The following WDR48 variants were observed in gnomAD, a reference collection of about 807,000 sequenced individuals.
The protein encoded by WDR48 is WD repeat-containing protein 48.
Under a neutral mutation model 94.0 loss-of-function variants are expected in WDR48, and 22 were observed. The ratio of observed to expected loss-of-function variants is 0.23; its 90% CI spans 0.17 to 0.33. The LOEUF (loss-of-function observed/expected upper bound fraction) is 0.33. Among genes scored for constraint, WDR48 ranks in the 10% least tolerant of loss-of-function variants. WDR48 has a pLI of 1.00. For synonymous variants in WDR48, 278 were observed against 280.5 expected, an observed-to-expected ratio of 0.99 and a Z score of 0.09; for missense variants, 541 against 813.8, an observed-to-expected ratio of 0.66 and a Z score of 4.08.
intron 1 of WDR48, chr3:39,052,319 C>T (rs927697297): frequency 4.0e-6 from 2 of 506,308 alleles, no homozygotes; most frequent in Admixed American, 7.5e-5. Flanking sequence ...CCCGGGATTG[C>T]TTGTCGCCGC....
intron 16 of WDR48, 186 bp from the exon 17 acceptor site, chr3:39,091,439 T>C: frequency 4.2e-6 from 2 of 478,554 alleles, no homozygotes. Context: ...TAATGTTACA[T>C]ATATTTTTCT....
chr3:39,082,908 A>C (rs2125674256), intron 11 of WDR48, among the ~76,000 whole-genome samples: 1 of 152,324 alleles, frequency 6.6e-6, no homozygotes, highest in South Asian at 2.1e-4. Context: ...GGACATATGT[A>C]GACTGAGAAG....
Position 39,091,601 on chromosome 3 carries a change from C to G in WDR48, c.1669-24C>G, listed in dbSNP as rs201243081. 9.6e-6 allele frequency: 15 copies of G among 1,563,732 alleles called. No homozygotes were observed. In the South Asian group the frequency reaches 1.7e-4, roughly 18 times the overall value. ...TTATCAACTAATAGAAACTGTTATA[C>G]CTTTTTAACTTTTACTGTTTCAGAA... On this transcript the variant is annotated intron_variant, in intron 16 of 18. Transcript: ENST00000302313.
At chr3:39,083,724 C>T (rs893404530) in intron 11 of WDR48, among the ~76,000 whole-genome samples, 2 of 152,072 alleles carry the variant, frequency 1.3e-5, no homozygotes, top group Non-Finnish European at 2.9e-5. Flanking sequence ...AAAGGTGTAC[C>T]GTTTACTGTT....
intron 7 of WDR48, 42 bp downstream of exon 7, chr3:39,069,786 G>C (rs372934095): frequency 7.7e-6 from 12 of 1,552,994 alleles, no homozygotes; most frequent in Admixed American, 3.5e-5. Flanking sequence ...AACCTTGTTA[G>C]AAATTTCCGC....
rs781358358 is a variant in WDR48 at position 39,066,865 on chromosome 3, C to T, written c.471C>T (p.Asn157=). Residue 157 remains asparagine (N), a synonymous_variant, in exon 5 of 19, where the codon AAC becomes AAT. Coordinates refer to ENST00000302313, the MANE Select transcript of WDR48 (RefSeq NM_020839.4). The part of the protein sequence containing the change: ...NTLTALTASN[N]TVTTSSLSGN... ...TAACAGCATTGACTGCCTCAAATAACACTGTCACAAGTAAGGTGTTTAAAA... is the reference window on the plus strand; with the variant it reads ...TAACAGCATTGACTGCCTCAAATAATACTGTCACAAGTAAGGTGTTTAAAA... The T allele has an allele frequency of 3.1e-6, 5 of 1,613,352 alleles. No individual in the cohort carries two copies. The highest frequency in any genetic ancestry group is 4.2e-6 in the Non-Finnish European group (5 of 1,179,724).
rs2034697946 is a variant in WDR48, at chr3:39,084,344, T to C, written c.1281+82T>C. 3.9e-6 allele frequency: 4 copies of C among 1,023,278 alleles called. No homozygotes were observed. The Admixed American group carries it at 1.2e-4, about 32-fold the overall frequency. The allele number at this position is 1,023,278 out of a possible 1,614,324, so 63.4% of individuals were successfully genotyped here. On this transcript the variant is annotated intron_variant, in intron 12 of 18. Transcript: ENST00000302313. ...CTTATAATTATTATTAGTTACAGAG[T>C]CCTGTGTTTTTAGGTGTGAAAAAAA... is the stretch of plus-strand genomic sequence containing the variant.
rs151321281 is a variant in WDR48 at position 39,052,928 on chromosome 3, G to C, written c.48+855G>C. On this transcript the variant is annotated intron_variant, in intron 1 of 18. Coordinates refer to ENST00000302313, the MANE Select transcript of WDR48 (RefSeq NM_020839.4). ...AGGAGAAATACCTAATGTAAATGAC[G>C]AGTTGATGGGTACAGCAAACCAGCA... 7.0e-3 allele frequency among the ~76,000 whole-genome samples: 1,067 copies of C among 152,260 alleles called. 15 individuals carry two copies. The highest frequency in any genetic ancestry group is 0.024 in the African/African-American group (1,013 of 41,548).
In WDR48 at chr3:39,063,126, T is replaced by C; in HGVS notation, c.125T>C (p.Leu42Pro). 1 of 1,614,150 alleles carries C rather than the reference T, an allele frequency of 6.2e-7. No homozygotes were observed. The change falls in exon 2 of 19, where the codon CTA becomes CCA. Residue 42 changes from leucine (L) to proline (P), a missense_variant. Coordinates refer to ENST00000302313, the MANE Select transcript of WDR48 (RefSeq NM_020839.4). ...AATGCTCTGCAGCTGGATCCAGCAC[T>C]AAATAGACTTTTCACAGCCGGTCGA... ...GVNALQLDPALNRLFTAGRDS... is the reference protein window; with the variant it reads ...GVNALQLDPAPNRLFTAGRDS...
chr3:39,079,798 A>G lies in WDR48; in HGVS notation c.1163A>G (p.Asp388Gly). ...KDTNNNVAYWDVLKACKVEDL... is the reference protein window; with the variant it reads ...KDTNNNVAYWGVLKACKVEDL... The stretch of plus-strand genomic sequence containing the variant: ...ACCAATAATAATGTGGCATATTGGG[A>G]TGTATTGAAGGTGAGTATTTTTTTT... The change falls in exon 11 of 19, where the codon GAT (aspartate) becomes GGT (glycine). Residue 388 changes from aspartate (D) to glycine (G), a missense_variant. Transcript: ENST00000302313. 1 of 1,547,168 alleles carries G rather than the reference A, an allele frequency of 6.5e-7. No homozygotes were observed. Among genetic ancestry groups the G allele is most frequent in the East Asian group, 2.5e-5 (1 of 40,346 alleles).
intron 11 of WDR48, among the ~76,000 whole-genome samples, chr3:39,080,295 A>AC (rs1167791581): frequency 2.0e-5 from 3 of 152,220 alleles, no homozygotes; most frequent in African/African-American, 7.2e-5. Flanking sequence ...CCTAGATGAG[A>AC]CACACTGGAG....
intron 7 of WDR48, among the ~76,000 whole-genome samples, chr3:39,072,079 A>G (rs2033969651): frequency 6.6e-6 from 1 of 152,226 alleles, no homozygotes; most frequent in South Asian, 2.1e-4. Flanking sequence ...TAAATCAGGA[A>G]TTGGCAGTAA....
chr3:39,052,394 T>C (rs1332628052), intron 1 of WDR48: 1 of 300,028 alleles, frequency 3.3e-6, no homozygotes, highest in Non-Finnish European at 6.3e-6. Flanking sequence ...GCCTCCCCCT[T>C]GCCCTGTCTT....
At chr3:39,069,578 T>G in intron 6 of WDR48, 65 bp from the exon 7 acceptor site, 1 of 1,334,088 alleles carries the variant, frequency 7.5e-7, no homozygotes, top group South Asian at 1.3e-5. Flanking sequence ...CTTATGAGAG[T>G]TGTCTGTTAT....
chr3:39,068,758 T>G lies in WDR48; in HGVS notation c.482-13T>G. Reference sequence around the variant, plus strand: ...TGATCTTGTTAACATTTAGCTCCGTTTATCCTCAATAGCTTCTTCTTTAAG... The same window carrying G: ...TGATCTTGTTAACATTTAGCTCCGTGTATCCTCAATAGCTTCTTCTTTAAG... On this transcript the variant is annotated splice_polypyrimidine_tract_variant and intron_variant, in intron 5 of 18. Coordinates refer to ENST00000302313, the MANE Select transcript of WDR48 (RefSeq NM_020839.4). 6.3e-7 allele frequency: 1 copy of G among 1,595,528 alleles called. No homozygotes were observed. Among genetic ancestry groups the G allele is most frequent in the South Asian group, 1.1e-5 (1 of 88,428 alleles).
At chr3:39,059,056 T>TA (rs2033089304) in intron 1 of WDR48, among the ~76,000 whole-genome samples, 1 of 123,230 alleles carries the variant, frequency 8.1e-6, no homozygotes, top group African/African-American at 3.3e-5. Context: ...GCCTGGGCGA[T>TA]ACAGTGAGAC....
chr3:39,066,719 G>A (rs766703761), intron 4 of WDR48, 27 bp from the exon 5 acceptor site: 14 of 1,613,632 alleles, frequency 8.7e-6, no homozygotes. Flanking sequence ...CTACAGAATA[G>A]ATCATAGTAT....
chr3:39,063,308 C>A, intron 2 of WDR48, 118 bp downstream of exon 2: 4 of 1,343,972 alleles, frequency 3.0e-6, no homozygotes, highest in Non-Finnish European at 2.0e-6. Flanking sequence ...TTATTTGGTA[C>A]ACTCTATAAA....
chr3:39,067,280 A>C (rs1338983609), intron 5 of WDR48, among the ~76,000 whole-genome samples: 1 of 152,202 alleles, frequency 6.6e-6, no homozygotes, highest in Non-Finnish European at 1.5e-5. Context: ...TGACTTTTTA[A>C]AGTGTTAAGA....
Sources: allele counts gnomAD v4.1 joint callset (sites outside exome capture counted in the v4.1 genomes callset), GRCh38; gene constraint gnomAD v4.1.1; transcripts MANE v1.5; gene names NCBI Gene and HGNC (gene_info 2026-07-23, HGNC 2026-07-21).